SHROOM2: variants seen among roughly 807,000 people sequenced by gnomAD.
SHROOM2 encodes shroom family member 2.
A neutral mutation model predicts 75.9 loss-of-function variants in SHROOM2; 33 were observed. The ratio of observed to expected loss-of-function variants is 0.43; its 90% confidence interval spans 0.33 to 0.58. The LOEUF (loss-of-function observed/expected upper bound fraction) is 0.58, where lower values mean the gene tolerates loss of function less well. Among genes scored for constraint, SHROOM2 ranks in the 20% least tolerant of loss-of-function variants. The probability of loss-of-function intolerance (pLI) is 0.04; values close to 1 mark genes in which losing one functional copy is unlikely to be tolerated. For missense variants in SHROOM2, 1,434 were observed against 1,461.2 expected, an observed-to-expected ratio of 0.98 and a Z score of 0.30; for synonymous variants, 655 against 663.6, an observed-to-expected ratio of 0.99 and a Z score of 0.20.
At chrX:9,905,260 A>G (rs2084385600) in intron 5 of SHROOM2, among the ~76,000 whole-genome samples, 1 of 112,822 alleles carries the variant, frequency 8.9e-6, no homozygotes, top group Non-Finnish European at 1.9e-5. Flanking sequence ...GATTTAGCTC[A>G]TCTGTTTTCT....
At chrX:9,935,475 T>A (rs1193811459) in intron 6 of SHROOM2, among the ~76,000 whole-genome samples, 1 of 111,333 alleles carries the variant, frequency 9.0e-6, no homozygotes. Context: ...CCACTGTGCC[T>A]AGCCAGGGTT....
At chrX:9,942,020 T>G (rs956797563) in intron 8 of SHROOM2, among the ~76,000 whole-genome samples, 4 of 108,774 alleles carry the variant, frequency 3.7e-5, no homozygotes, top group Non-Finnish European at 7.6e-5. Flanking sequence ...CTGGCGGGCG[T>G]CCTTCCTTAT....
chrX:9,807,311 C>A (rs1006523394), intron 1 of SHROOM2, among the ~76,000 whole-genome samples: 8 of 112,265 alleles, frequency 7.1e-5, no homozygotes, highest in African/African-American at 2.6e-4. Context: ...AGCATCAAGC[C>A]TGGTCATTCT....
In SHROOM2 at chrX:9,808,677, C is replaced by T. The variant is rs187181119; in HGVS notation, c.165+21967C>T. 8.3e-3 allele frequency among the ~76,000 whole-genome samples: 920 copies of T among 110,539 alleles called. 13 individuals are homozygous for T. The highest frequency in any genetic ancestry group is 0.029 in the African/African-American group (866 of 30,345). On this transcript the variant is annotated intron_variant, in intron 1 of 9. Transcript: ENST00000380913. The stretch of plus-strand genomic sequence containing the variant: ...AGGAGTTCGAGACCAGCCTGGCCAA[C>T]GTGGTGAAACCCTGTCTCCACTAAA...
chrX:9,882,942 A>C (rs906278211), intron 2 of SHROOM2, among the ~76,000 whole-genome samples: 8 of 112,633 alleles, frequency 7.1e-5, no homozygotes, highest in Non-Finnish European at 1.3e-4. Context: ...ACATGATGTC[A>C]CCATTCACGC....
intron 5 of SHROOM2, among the ~76,000 whole-genome samples, chrX:9,931,067 C>T (rs780311128): frequency 1.8e-5 from 2 of 111,088 alleles, no homozygotes; most frequent in Non-Finnish European, 3.8e-5. Context: ...GATAACACTT[C>T]AAGCTAGGAG....
At chrX:9,892,580 T>A (rs1477948793) in intron 3 of SHROOM2, among the ~76,000 whole-genome samples, 1 of 112,227 alleles carries the variant, frequency 8.9e-6, no homozygotes. Context: ...CCCACATCTG[T>A]GTGGAAACAG....
intron 1 of SHROOM2, among the ~76,000 whole-genome samples, chrX:9,871,076 A>G (rs985853616): frequency 8.9e-6 from 1 of 111,835 alleles, no homozygotes; most frequent in Non-Finnish European, 1.9e-5. Flanking sequence ...ACAAAAGACC[A>G]GCTCCAGGAT....
chrX:9,870,553 A>G (rs1022677444), intron 1 of SHROOM2, among the ~76,000 whole-genome samples: 1 of 112,197 alleles, frequency 8.9e-6, no homozygotes, highest in African/African-American at 3.2e-5. Flanking sequence ...GTCTATAAAT[A>G]TATATTAATT....
chrX:9,923,434 G>C (rs763463244), intron 5 of SHROOM2, among the ~76,000 whole-genome samples: 2 of 112,620 alleles, frequency 1.8e-5, no homozygotes, highest in Non-Finnish European at 3.8e-5. Flanking sequence ...AATATCTAAA[G>C]GAAGTGGGTA....
intron 2 of SHROOM2, among the ~76,000 whole-genome samples, chrX:9,885,166 A>C (rs2084253804): frequency 8.9e-6 from 1 of 112,325 alleles, no homozygotes; most frequent in African/African-American, 3.2e-5. Context: ...ATGAAAGGGA[A>C]TACACAGAAA....
chrX:9,872,513 G>C (rs767603237), intron 1 of SHROOM2, among the ~76,000 whole-genome samples: 1 of 111,294 alleles, frequency 9.0e-6, no homozygotes, highest in Admixed American at 9.5e-5. Flanking sequence ...GCAGTGAGCC[G>C]AGATCGCACC....
chrX:9,908,870 G>A (rs893265676), intron 5 of SHROOM2, among the ~76,000 whole-genome samples: 1 of 110,121 alleles, frequency 9.1e-6, no homozygotes, highest in African/African-American at 3.3e-5. Flanking sequence ...GCTTGAGCCT[G>A]GGAGGTCAAG....
intron 1 of SHROOM2, 91 bp from the exon 2 acceptor site, chrX:9,873,561 T>G: frequency 1.9e-6 from 2 of 1,042,904 alleles, no homozygotes; most frequent in Non-Finnish European, 2.6e-6. Context: ...TCCCGCCAAG[T>G]GTGAGGTATG....
At chrX:9,863,613 TG>T (rs376834536) in intron 1 of SHROOM2, among the ~76,000 whole-genome samples, 3 of 104,474 alleles carry the variant, frequency 2.9e-5, no homozygotes, top group African/African-American at 7.0e-5. Flanking sequence ...TATTTTTTTT[TG>T]GGGGGGGTGT....
Position 9,896,379 on chromosome X carries a change from A to G in SHROOM2, c.2471A>G (p.Asp824Gly). 1 of 1,212,335 alleles carries G rather than the reference A, an allele frequency of 8.2e-7. No individual in the cohort carries two copies. The highest frequency in any genetic ancestry group is 1.1e-6 in the Non-Finnish European group (1 of 895,653). The change falls in exon 4 of 10, where the codon GAC becomes GGC. Residue 824 changes from aspartate (D) to glycine (G), a missense_variant. Asp to Gly is a moderately conservative substitution (Grantham distance 94, BLOSUM62 -1). Transcript: ENST00000380913. The stretch of plus-strand genomic sequence containing the variant: ...CAAGCTCTTCACGGAATCCCGAGAG[A>G]CAAGCCAGAGAGGCCGCGGACAGCG... ...QKQALHGIPR[D>G]KPERPRTAGR...
At chrX:9,787,681 A>T (rs898053578) in intron 1 of SHROOM2, among the ~76,000 whole-genome samples, 3 of 112,485 alleles carry the variant, frequency 2.7e-5, no homozygotes, top group African/African-American at 9.7e-5. Flanking sequence ...TCAGTTTGGG[A>T]AGTGGGATGG....
intron 1 of SHROOM2, among the ~76,000 whole-genome samples, chrX:9,823,164 T>TCTCCC (rs1339711176): frequency 2.8e-4 from 10 of 35,707 alleles, no homozygotes; most frequent in African/African-American, 9.5e-4. Flanking sequence ...TTCTTCTTCT[T>TCTCCC]TTCTTCTTCT....
At chrX:9,907,440 C>T (rs972467354) in intron 5 of SHROOM2, among the ~76,000 whole-genome samples, 3 of 111,171 alleles carry the variant, frequency 2.7e-5, no homozygotes, top group African/African-American at 6.6e-5. Context: ...CACACACCTG[C>T]ATCCCATCCT....
Sources: allele counts gnomAD v4.1 joint callset (sites outside exome capture counted in the v4.1 genomes callset), GRCh38; gene constraint gnomAD v4.1.1; transcripts MANE v1.5; gene names NCBI Gene and HGNC (gene_info 2026-07-23, HGNC 2026-07-21).